The following VEZF1 variants were observed in gnomAD, a reference collection of about 807,000 sequenced individuals.
VEZF1 encodes putative transcription factor DB1.
VEZF1 carries 5 observed loss-of-function variants against 44.1 expected under a neutral mutation model. The observed-to-expected ratio is 0.11, with a 90% CI of 0.06 to 0.24. VEZF1 has a LOEUF of 0.24. VEZF1 is among the 10% of genes least tolerant of loss of function. VEZF1 has a pLI of 1.00. For missense variants in VEZF1, 358 were observed against 641.8 expected, an observed-to-expected ratio of 0.56 and a Z score of 4.78; for synonymous variants, 236 against 233.1, an observed-to-expected ratio of 1.01 and a Z score of -0.11.
At chr17:57,978,682 G>C (rs1465959312) in intron 5 of VEZF1, among the ~76,000 whole-genome samples, 1 of 151,948 alleles carries the variant, frequency 6.6e-6, no homozygotes, top group Non-Finnish European at 1.5e-5. Flanking sequence ...TACAGAATCT[G>C]AAACATGTAA....
intron 1 of VEZF1, chr17:57,985,311 GAAGC>G: frequency 8.1e-7 from 1 of 1,231,576 alleles, no homozygotes; most frequent in East Asian, 3.2e-5. Context: ...CAGCATTGCT[GAAGC>G]TCACTCTCAC....
rs1445672573 is a variant in VEZF1 at position 57,974,229 on chromosome 17, C to T, written c.*244G>A. On this transcript the variant is annotated 3_prime_UTR_variant, in exon 6 of 6. Coordinates refer to ENST00000581208, the MANE Select transcript of VEZF1 (RefSeq NM_007146.3). ...GCATTTCATCTTGCCAACTACTATC[C>T]TGTTTAAGCAATGTTGTCAGCTAAA... is the stretch of plus-strand genomic sequence containing the variant. The T allele has an allele frequency of 7.6e-6, 4 of 524,086 alleles. No homozygotes were observed. Among genetic ancestry groups the T allele is most frequent in the Non-Finnish European group, 1.4e-5 (4 of 295,602 alleles). 32.5% of individuals were successfully genotyped at this position (524,086 alleles called of 1,614,324 possible). A position where few individuals can be genotyped will look rare whatever the true frequency, so the allele number is the denominator to read the frequency against.
intron 2 of VEZF1, 41 bp downstream of exon 2, chr17:57,982,658 T>C (rs1053369905): frequency 8.4e-6 from 13 of 1,551,662 alleles, no homozygotes; most frequent in Non-Finnish European, 1.1e-5. Context: ...AGTACACTGA[T>C]ACCATAATGA....
intron 1 of VEZF1, among the ~76,000 whole-genome samples, chr17:57,987,214 G>C (rs2075303407): frequency 6.6e-6 from 1 of 152,150 alleles, no homozygotes; most frequent in Non-Finnish European, 1.5e-5. Context: ...CGTTCGAGGT[G>C]GGCGAGAAAG....
In VEZF1 at chr17:57,979,365, GT is replaced by G. The variant is rs751520428; in HGVS notation, c.977-53del. On this transcript the variant is annotated intron_variant, in intron 4 of 5. Coordinates refer to ENST00000581208, the MANE Select transcript of VEZF1 (RefSeq NM_007146.3). ...TGTATCTACCTGTAAAACTGTTGCC[GT>G]TTTTTTTCAAAATTGACTTCTCATG... 42 of 1,589,432 alleles carry G rather than the reference GT, an allele frequency of 2.6e-5. No individual in the cohort carries two copies. The African/African-American group carries it at 5.2e-4, about 20-fold the overall frequency.
Position 57,982,977 on chromosome 17 carries a change from G to A in VEZF1, c.450C>T (p.Ser150=), listed in dbSNP as rs1598048504. The A allele has an allele frequency of 6.2e-7, 1 of 1,614,194 alleles. No homozygotes were observed. Among genetic ancestry groups the A allele is most frequent in the Middle Eastern group, 1.6e-4 (1 of 6,062 alleles). The change falls in exon 2 of 6, where the codon AGC becomes AGT. Residue 150 remains serine, a synonymous_variant. Coordinates refer to ENST00000581208, the MANE Select transcript of VEZF1 (RefSeq NM_007146.3). ...CTGGCATAGCTGTGGTGCTGGCACT[G>A]CTACTGGGGTTGGTGCCCGAGGAAG... ...TTSSSGTNPS[S]SASTTAMPVT... is the part of the protein sequence containing the mutation.
rs773983429 is a variant in VEZF1, at chr17:57,983,018, A to T, written c.409T>A (p.Ser137Thr). The T allele has an allele frequency of 5.6e-6, 9 of 1,614,034 alleles. No individual in the cohort carries two copies. In the South Asian group the frequency reaches 9.9e-5, roughly 18 times the overall value. ...CCCGAGGAAGATGTAGTGACTGTTG[A>T]CAAGATGCCTGCAATGGTCGAGACC... ...SLVSTIAGIL[S>T]TVTTSSSGTN... Residue 137 changes from serine (S) to threonine (T), a missense_variant, in exon 2 of 6, where the codon TCA becomes ACA. By Grantham distance (58) the Ser-to-Thr change is moderately conservative. Coordinates refer to ENST00000581208, the MANE Select transcript of VEZF1 (RefSeq NM_007146.3).
chr17:57,982,108 A>G (rs1364604633), intron 2 of VEZF1, among the ~76,000 whole-genome samples, 172 bp from the exon 3 acceptor site: 1 of 152,224 alleles, frequency 6.6e-6, no homozygotes, highest in Non-Finnish European at 1.5e-5. Flanking sequence ...TACCATGAAC[A>G]AAGTCTTAGG....
intron 1 of VEZF1, chr17:57,985,116 A>G: frequency 6.1e-6 from 3 of 494,288 alleles, no homozygotes; most frequent in Non-Finnish European, 9.5e-6. Context: ...AGATAGCTGA[A>G]GATATACAAT....
chr17:57,982,034 AT>A, intron 2 of VEZF1, 98 bp from the exon 3 acceptor site: 1 of 1,305,276 alleles, frequency 7.7e-7, no homozygotes. Context: ...GAAGGGGTGC[AT>A]TTTAGGGAAA....
chr17:57,978,479 G>A (rs2075213838), intron 5 of VEZF1, among the ~76,000 whole-genome samples: 1 of 152,188 alleles, frequency 6.6e-6, no homozygotes, highest in Admixed American at 6.5e-5. Flanking sequence ...GTACTAGTAA[G>A]TTGAAAAGTA....
chr17:57,983,405 C>T lies in VEZF1; in HGVS notation c.34-12G>A, dbSNP rs2075268822. 1.9e-6 allele frequency: 3 copies of T among 1,582,468 alleles called. No individual in the cohort carries two copies. The East Asian group carries it at 6.7e-5, about 35-fold the overall frequency. On this transcript the variant is annotated splice_polypyrimidine_tract_variant and intron_variant, in intron 1 of 5. Transcript: ENST00000581208. ...GAAGCTTCATGGGCCTAAAACCAAA[C>T]ATTTACACTTCAGAAACTCAGCCTC... is the stretch of plus-strand genomic sequence containing the variant.
chr17:57,981,544 G>A (rs2075249707), intron 3 of VEZF1, among the ~76,000 whole-genome samples: 2 of 151,968 alleles, frequency 1.3e-5, no homozygotes, highest in South Asian at 4.2e-4. Flanking sequence ...AATCAACCCA[G>A]AAATTAAAGC....
In VEZF1 at chr17:57,980,656, T is replaced by C. The variant is rs1434990959; in HGVS notation, c.923A>G (p.His308Arg). 6.2e-7 allele frequency: 1 copy of C among 1,613,256 alleles called. No homozygotes were observed. The highest frequency in any genetic ancestry group is 1.3e-5 in the African/African-American group (1 of 75,046). The change falls in exon 4 of 6, where the codon CAT becomes CGT. Residue 308 changes from histidine to arginine, a missense_variant. Transcript: ENST00000581208. ...AAYITSHLKT[H>R]GQSQSINCNT... Reference sequence around the variant, plus strand: ...ACAGTTGATACTTTGGCTCTGCCCATGAGTCTTTAAGTGGCTGGTGATGTA... The same window carrying C: ...ACAGTTGATACTTTGGCTCTGCCCACGAGTCTTTAAGTGGCTGGTGATGTA...
intron 2 of VEZF1, among the ~76,000 whole-genome samples, chr17:57,982,302 A>G (rs2075256455): frequency 2.0e-5 from 3 of 152,232 alleles, no homozygotes; most frequent in Admixed American, 1.3e-4. Flanking sequence ...AAAAATGAAA[A>G]AACATTCTAA....
intron 1 of VEZF1, among the ~76,000 whole-genome samples, chr17:57,983,936 AT>A (rs2075273429): frequency 6.6e-6 from 1 of 152,322 alleles, no homozygotes; most frequent in South Asian, 2.1e-4. Flanking sequence ...CTCTAAATAC[AT>A]TTGCTAGTCG....
intron 3 of VEZF1, among the ~76,000 whole-genome samples, chr17:57,981,108 A>G (rs2075246165): frequency 6.6e-6 from 1 of 152,214 alleles, no homozygotes; most frequent in Non-Finnish European, 1.5e-5. Flanking sequence ...CCTATCTGAA[A>G]GCTTCTTCAT....
chr17:57,977,107 C>T (rs962781932), intron 5 of VEZF1, among the ~76,000 whole-genome samples: 3 of 152,128 alleles, frequency 2.0e-5, no homozygotes, highest in African/African-American at 4.8e-5. Flanking sequence ...CATTCTAACA[C>T]AAAAGTTCAT....
intron 1 of VEZF1, chr17:57,985,188 T>C (rs973322262): frequency 1.2e-4 from 127 of 1,037,694 alleles, no homozygotes; most frequent in Middle Eastern, 7.1e-4. Context: ...TTCAGACTTA[T>C]AGCATTTAGA....
Sources: gnomAD v4.1 joint callset for allele counts (sites outside exome capture counted in the v4.1 genomes callset) on GRCh38, gnomAD v4.1.1 for gene constraint, MANE v1.5 for transcripts, NCBI Gene and HGNC (gene_info 2026-07-23, HGNC 2026-07-21) for gene names.